Variants in HMGA2 observed in about 807,000 individuals in gnomAD.
HMGA2 encodes the protein high mobility group AT-hook 2.
In HMGA2, 8 loss-of-function variants were observed where a neutral mutation model predicts 19.1. That is an observed-to-expected ratio of 0.42 (90% CI 0.25 to 0.76). The LOEUF (loss-of-function observed/expected upper bound fraction) is 0.76. Among genes scored for constraint, HMGA2 ranks in the 30% least tolerant of loss-of-function variants. The probability of loss-of-function intolerance (pLI) is 0.28; values close to 1 mark genes in which losing one functional copy is unlikely to be tolerated. For synonymous variants in HMGA2, 60 were observed against 48.8 expected (o/e 1.23, Z -0.96); for missense variants, 109 against 136.3 (o/e 0.80, Z 1.00).
At chr12:65,872,913 A>G (rs1289998788) in intron 3 of HMGA2, among the ~76,000 whole-genome samples, 1 of 152,140 alleles carries the variant, frequency 6.6e-6, no homozygotes, top group Non-Finnish European at 1.5e-5. Context: ...ACCAGTTGAA[A>G]TCTTCACTTC....
At chr12:65,886,866 C>G (rs1259295530) in intron 3 of HMGA2, among the ~76,000 whole-genome samples, 1 of 152,192 alleles carries the variant, frequency 6.6e-6, no homozygotes, top group Non-Finnish European at 1.5e-5. Context: ...CTTGAACATA[C>G]TCTTGCTTTT....
chr12:65,963,778 G>T lies in HMGA2; in HGVS notation c.*486G>T, dbSNP rs1876825534. On this transcript the variant is annotated 3_prime_UTR_variant, in exon 5 of 5. Transcript: ENST00000403681. ...CAAATACCACCCCAACCCACTCCCT[G>T]TAGTGAATCCTCTGTTTAGAACACC... 4.0e-6 allele frequency: 1 copy of T among 248,152 alleles called. No individual in the cohort carries two copies. The highest frequency in any genetic ancestry group is 5.5e-5 in the Admixed American group (1 of 18,232). 15.4% of individuals were successfully genotyped at this position (248,152 alleles called of 1,614,324 possible). A position where few individuals can be genotyped will look rare whatever the true frequency, so the allele number is the denominator to read the frequency against.
chr12:65,936,064 C>T (rs1875882171), intron 3 of HMGA2, among the ~76,000 whole-genome samples: 1 of 152,146 alleles, frequency 6.6e-6, no homozygotes. Flanking sequence ...TGGCTGGACC[C>T]ATTCACAAAT....
intron 3 of HMGA2, among the ~76,000 whole-genome samples, chr12:65,862,435 T>C (rs1418899789): frequency 1.3e-5 from 2 of 152,104 alleles, no homozygotes; most frequent in Admixed American, 1.3e-4. Context: ...AGCCTAAATG[T>C]CTTAGGTAGT....
chr12:65,896,217 T>C lies in HMGA2; in HGVS notation c.250-55166T>C, dbSNP rs552450675. Among the ~76,000 whole-genome samples, 22 of 152,316 alleles carry C rather than the reference T, an allele frequency of 1.4e-4. No homozygotes were observed. In the East Asian group the frequency reaches 3.1e-3, roughly 21 times the overall value. On this transcript the variant is annotated intron_variant, in intron 3 of 4. Transcript: ENST00000403681. The stretch of plus-strand genomic sequence containing the variant: ...ATGTTCATTGCATCTGAGATCCCAT[T>C]TTTGTCCCTTTATTTGCTCCAGAAT...
chr12:65,904,083 G>T (rs1874483643), intron 3 of HMGA2, among the ~76,000 whole-genome samples: 1 of 152,256 alleles, frequency 6.6e-6, no homozygotes, highest in African/African-American at 2.4e-5. Context: ...ACAGTAATTT[G>T]TAAAGCACTA....
chr12:65,844,373 C>G (rs1871148578), intron 3 of HMGA2, among the ~76,000 whole-genome samples: 1 of 152,146 alleles, frequency 6.6e-6, no homozygotes, highest in Non-Finnish European at 1.5e-5. Context: ...TTTTCTGAAA[C>G]TATCTTTTCC....
At chr12:65,924,534 A>G (rs1414893928) in intron 3 of HMGA2, among the ~76,000 whole-genome samples, 1 of 152,134 alleles carries the variant, frequency 6.6e-6, no homozygotes, top group African/African-American at 2.4e-5. Flanking sequence ...ACAGTGGCTC[A>G]CGCCTGTAAT....
At chr12:65,884,602 T>A (rs1873580136) in intron 3 of HMGA2, among the ~76,000 whole-genome samples, 1 of 152,244 alleles carries the variant, frequency 6.6e-6, no homozygotes, top group African/African-American at 2.4e-5. Context: ...TAATTTGGTA[T>A]CCTCAAGGTA....
At chr12:65,862,420 A>G (rs1464994236) in intron 3 of HMGA2, among the ~76,000 whole-genome samples, 2 of 152,194 alleles carry the variant, frequency 1.3e-5, no homozygotes, top group Non-Finnish European at 2.9e-5. Flanking sequence ...AATTTTCTGC[A>G]AATAAGCCTA....
At chr12:65,880,401 G>A (rs950423852) in intron 3 of HMGA2, among the ~76,000 whole-genome samples, 1 of 152,116 alleles carries the variant, frequency 6.6e-6, no homozygotes, top group Non-Finnish European at 1.5e-5. Flanking sequence ...AACACGTGTT[G>A]CCCTTTGTAT....
intron 4 of HMGA2, chr12:65,952,192 T>C (rs1160224347): frequency 1.7e-6 from 1 of 572,702 alleles, no homozygotes; most frequent in African/African-American, 1.9e-5. Context: ...ATGTAAATAG[T>C]CATTGGAGAT....
intron 3 of HMGA2, among the ~76,000 whole-genome samples, chr12:65,847,323 A>C (rs888331760): frequency 1.3e-5 from 2 of 152,214 alleles, no homozygotes; most frequent in African/African-American, 4.8e-5. Context: ...ATCAGAAAAA[A>C]ACAGGAAAAT....
At chr12:65,863,777 C>T (rs1872237481) in intron 3 of HMGA2, among the ~76,000 whole-genome samples, 1 of 152,146 alleles carries the variant, frequency 6.6e-6, no homozygotes, top group Admixed American at 6.6e-5. Flanking sequence ...GCAACCCTCA[C>T]CCCAAAACAT....
At chr12:65,855,312 T>A (rs974892715) in intron 3 of HMGA2, among the ~76,000 whole-genome samples, 1 of 152,190 alleles carries the variant, frequency 6.6e-6, no homozygotes, top group Non-Finnish European at 1.5e-5. Context: ...AGTAGAACCA[T>A]GTCATCTTGA....
chr12:65,849,030 C>T (rs1160553734), intron 3 of HMGA2, among the ~76,000 whole-genome samples: 1 of 152,128 alleles, frequency 6.6e-6, no homozygotes, highest in Non-Finnish European at 1.5e-5. Context: ...TGGACTCATA[C>T]GATTATGGTT....
At chr12:65,874,420 AATC>A (rs1228798045) in intron 3 of HMGA2, among the ~76,000 whole-genome samples, 1 of 152,138 alleles carries the variant, frequency 6.6e-6, no homozygotes, top group African/African-American at 2.4e-5. Context: ...AAGAAATTTT[AATC>A]ATCTTCTTTT....
chr12:65,852,844 C>T (rs1424150321), intron 3 of HMGA2, among the ~76,000 whole-genome samples: 1 of 152,048 alleles, frequency 6.6e-6, no homozygotes, highest in East Asian at 1.9e-4. Flanking sequence ...AGGTGAAGTG[C>T]CCAGGAGAGA....
intron 3 of HMGA2, among the ~76,000 whole-genome samples, chr12:65,879,177 G>C (rs1048900009): frequency 9.2e-5 from 14 of 152,240 alleles, no homozygotes; most frequent in African/African-American, 3.4e-4. Context: ...GCCCAGGCGG[G>C]AGTGCAGTGG....
Sources: allele counts gnomAD v4.1 joint callset (sites outside exome capture counted in the v4.1 genomes callset), GRCh38; gene constraint gnomAD v4.1.1; transcripts MANE v1.5; gene names NCBI Gene and HGNC (gene_info 2026-07-23, HGNC 2026-07-21).